Variants in NFKBIZ observed in about 807,000 individuals in gnomAD.
NFKBIZ encodes NF-kappa-B inhibitor zeta.
A neutral mutation model predicts 76.8 loss-of-function variants in NFKBIZ; 19 were observed. That is an observed-to-expected ratio of 0.25 (90% CI 0.17 to 0.36). NFKBIZ has a LOEUF of 0.36. Among genes scored for constraint, NFKBIZ ranks in the 10% least tolerant of loss-of-function variants. The pLI, the probability that NFKBIZ is intolerant of heterozygous loss-of-function variation, is 1.00. For synonymous variants in NFKBIZ, 368 were observed against 354.8 expected, an observed-to-expected ratio of 1.04 and a Z score of -0.42; for missense variants, 829 against 910.9, an observed-to-expected ratio of 0.91 and a Z score of 1.16.
chr3:101,856,078 TCTCA>T, intron 9 of NFKBIZ, 176 bp downstream of exon 9: 1 of 454,834 alleles, frequency 2.2e-6, no homozygotes, highest in East Asian at 3.8e-5. Flanking sequence ...TGAGACAGAG[TCTCA>T]CTGTGTCGCC....
rs1207589078 is a variant in NFKBIZ at position 101,853,583 on chromosome 3, A to G, written c.1057A>G (p.Ile353Val). ...LLGDQRESEN[I>V]ANPMQTSSSV... Reference sequence around the variant, plus strand: ...TGGTGATCAAAGGGAATCTGAGAATATTGCTAATCCCATGCAGACTTCCTC... The same window carrying G: ...TGGTGATCAAAGGGAATCTGAGAATGTTGCTAATCCCATGCAGACTTCCTC... The change falls in exon 5 of 12, where the codon ATT (isoleucine) becomes GTT (valine). Residue 353 changes from isoleucine (I) to valine (V), a missense_variant. This residue lies in a region of NFKBIZ where 371 missense variants were observed against 332.3 expected (regional missense o/e 1.12). Coordinates refer to ENST00000326172, the MANE Select transcript of NFKBIZ (RefSeq NM_031419.4). 2 of 1,614,126 alleles carry G rather than the reference A, an allele frequency of 1.2e-6. No individual in the cohort carries two copies. Among genetic ancestry groups the G allele is most frequent in the African/African-American group, 2.7e-5 (2 of 74,938 alleles).
In NFKBIZ at chr3:101,849,516, A is replaced by T. The variant is rs1942911665; in HGVS notation, c.-113A>T. The stretch of plus-strand genomic sequence containing the variant: ...CCTGGCAGTCCCGCGCCGCGCCCGT[A>T]CTGGCCCGCGCCGTCCGCCCGCCGA... On this transcript the variant is annotated 5_prime_UTR_variant, in exon 1 of 12. Transcript: ENST00000326172. The T allele has an allele frequency of 2.2e-6, 2 of 919,914 alleles. No homozygotes were observed. The highest frequency in any genetic ancestry group is 2.9e-6 in the Non-Finnish European group (2 of 698,032). 57.0% of individuals were successfully genotyped at this position (919,914 alleles called of 1,614,324 possible).
intron 2 of NFKBIZ, among the ~76,000 whole-genome samples, chr3:101,837,716 G>A (rs1185511728): frequency 6.6e-6 from 1 of 152,002 alleles, no homozygotes; most frequent in Non-Finnish European, 1.5e-5. Context: ...TTAACTTTTG[G>A]TCCCCCAGAC....
chr3:101,856,106 A>G, intron 9 of NFKBIZ: 2 of 356,810 alleles, frequency 5.6e-6, no homozygotes, highest in Non-Finnish European at 1.0e-5. Context: ...GCTGGAATGC[A>G]GTGGTGCGAT....
chr3:101,838,144 G>C (rs1942746200), intron 2 of NFKBIZ, among the ~76,000 whole-genome samples: 1 of 152,058 alleles, frequency 6.6e-6, no homozygotes, highest in African/African-American at 2.4e-5. Context: ...GTAGCCATAT[G>C]CACACAAATA....
rs1447481577 is a variant in NFKBIZ at position 101,853,682 on chromosome 3, G to C, written c.1156G>C (p.Val386Leu). 6.2e-7 allele frequency: 1 copy of C among 1,614,256 alleles called. No homozygotes were observed. The highest frequency in any genetic ancestry group is 2.2e-5 in the East Asian group (1 of 44,892). The change falls in exon 5 of 12, where the codon GTG becomes CTG. Residue 386 changes from valine (V) to leucine (L), a missense_variant. Physicochemically the swap from Val to Leu is conservative, Grantham distance 32. Coordinates refer to ENST00000326172, the MANE Select transcript of NFKBIZ (RefSeq NM_031419.4). ...MMPSSACEAM[V>L]GHEMASDSSN... ...GCCCAGCAGCGCCTGTGAGGCCATG[G>C]TGGGGCACGAGATGGCCTCTGACTC...
At chr3:101,854,307 G>A (rs1403017692) in intron 5 of NFKBIZ, among the ~76,000 whole-genome samples, 2 of 151,970 alleles carry the variant, frequency 1.3e-5, no homozygotes, top group African/African-American at 4.8e-5. Flanking sequence ...CTTGTATAGG[G>A]GTTTTATGAG....
At chr3:101,857,896 A>G in intron 11 of NFKBIZ, 1 of 860,544 alleles carries the variant, frequency 1.2e-6, no homozygotes, top group Non-Finnish European at 1.4e-6. Flanking sequence ...ATCAGTGAAC[A>G]TCAATAGTTA....
intron 2 of NFKBIZ, among the ~76,000 whole-genome samples, chr3:101,840,312 A>C (rs1942771988): frequency 6.6e-6 from 1 of 152,200 alleles, no homozygotes; most frequent in African/African-American, 2.4e-5. Flanking sequence ...CATCATTATA[A>C]ATAGAAACCA....
chr3:101,857,885 G>C lies in NFKBIZ; in HGVS notation c.2103+426G>C, dbSNP rs554599655. The C allele has an allele frequency of 1.9e-3, 1,696 of 881,748 alleles. 7 individuals carry two copies. Among genetic ancestry groups the C allele is most frequent in the Non-Finnish European group, 2.2e-3 (1,615 of 735,182 alleles). The allele number at this position is 881,748 out of a possible 1,614,324, so 54.6% of individuals were successfully genotyped here. ...CAATAGTCCCGGGTACAGAGTAAGA[G>C]ATCAGTGAACATCAATAGTTAGAAT... On this transcript the variant is annotated intron_variant, in intron 11 of 11. Transcript: ENST00000326172.
At chr3:101,839,671 AG>A (rs1191910827) in intron 2 of NFKBIZ, among the ~76,000 whole-genome samples, 1 of 152,186 alleles carries the variant, frequency 6.6e-6, no homozygotes, top group Non-Finnish European at 1.5e-5. Flanking sequence ...CCTCATACAA[AG>A]GAATGGTGAA....
upstream of NFKBIZ, among the ~76,000 whole-genome samples, chr3:101,845,310 T>C (rs940500423): frequency 6.7e-6 from 1 of 150,304 alleles, no homozygotes; most frequent in African/African-American, 2.4e-5. Flanking sequence ...TTTTTTTTTT[T>C]TGAGACAAGG....
In NFKBIZ at chr3:101,837,578, A is replaced by T. The variant is rs147847978; in HGVS notation, c.-12+7890A>T. Among the ~76,000 whole-genome samples the T allele has an allele frequency of 8.5e-5, 13 of 152,250 alleles. No individual in the cohort carries two copies. The East Asian group carries it at 2.3e-3, about 27-fold the overall frequency. The stretch of plus-strand genomic sequence containing the variant: ...GCACCTTTCTGATGGGGCATGCCAT[A>T]CCTGTCAGGTGGAAAACACAGGGTT... On this transcript the variant is annotated intron_variant, in intron 2 of 12. Transcript: ENST00000394054.
At chr3:101,841,406 C>A (rs528942465) in intron 2 of NFKBIZ, among the ~76,000 whole-genome samples, 2 of 152,234 alleles carry the variant, frequency 1.3e-5, no homozygotes, top group East Asian at 3.9e-4. Flanking sequence ...TACATGGATA[C>A]CATATGGACC....
chr3:101,850,004 C>A (rs1942925418), intron 1 of NFKBIZ, 87 bp downstream of exon 1: 1 of 1,203,112 alleles, frequency 8.3e-7, no homozygotes. Context: ...AGGGTGGCCC[C>A]TGCGCCCTCC....
intron 2 of NFKBIZ, among the ~76,000 whole-genome samples, chr3:101,840,924 G>A (rs1219574929): frequency 2.6e-5 from 4 of 152,222 alleles, no homozygotes; most frequent in Non-Finnish European, 4.4e-5. Context: ...ATAAAAGGAA[G>A]TTGCAGAGAG....
In NFKBIZ at chr3:101,859,795, C is replaced by T. The variant is rs1435358559; in HGVS notation, c.*424C>T. 3 of 159,748 alleles carry T rather than the reference C, an allele frequency of 1.9e-5. No homozygotes were observed. Among genetic ancestry groups the T allele is most frequent in the Admixed American group, 1.8e-4 (3 of 16,656 alleles). The allele number at this position is 159,748 out of a possible 1,614,324, so 9.9% of individuals were successfully genotyped here. A position where few individuals can be genotyped will look rare whatever the true frequency, so the allele number is the denominator to read the frequency against. On this transcript the variant is annotated 3_prime_UTR_variant, in exon 12 of 12. Coordinates refer to ENST00000326172, the MANE Select transcript of NFKBIZ (RefSeq NM_031419.4). ...ATACAGCATTGAGGCTTCATTTGGCCTTAGTCCCTGGGAGTTACTGGCGTT... is the reference window on the plus strand; with the variant it reads ...ATACAGCATTGAGGCTTCATTTGGCTTTAGTCCCTGGGAGTTACTGGCGTT...
rs150091528 is a variant in NFKBIZ at position 101,853,253 on chromosome 3, G to A, written c.727G>A (p.Val243Met). ...NTVQVSWLNP[V>M]VVPQSSPAEQ... ...AGTTCAAGTTAGCTGGCTGAACCCC[G>A]TGGTGGTCCCTCAGAGCTCCCCCGC... The change falls in exon 5 of 12, where the codon GTG becomes ATG. Residue 243 changes from valine (V) to methionine (M), a missense_variant. Transcript: ENST00000326172. The A allele has an allele frequency of 1.5e-5, 24 of 1,613,992 alleles. No individual in the cohort carries two copies. Among genetic ancestry groups the A allele is most frequent in the African/African-American group, 5.3e-5 (4 of 74,876 alleles).
Position 101,857,187 on chromosome 3 carries a change from C to CTTTTAGAAAGCTTTAAT in NFKBIZ, c.1935+4_1935+5insTTTTAGAAAGCTTTAAT. 14 of 1,608,158 alleles carry CTTTTAGAAAGCTTTAAT rather than the reference C, an allele frequency of 8.7e-6. No individual in the cohort carries two copies. The highest frequency in any genetic ancestry group is 1.1e-5 in the Non-Finnish European group (13 of 1,175,056). ...CCTGTCTTTTGTGAATGCAAAGGTA[C>CTTTTAGAAAGCTTTAAT]ACCAGAGTTGGAATGGCCTTCTGTA... On this transcript the variant is annotated splice_donor_region_variant and intron_variant, in intron 10 of 11. Coordinates refer to ENST00000326172, the MANE Select transcript of NFKBIZ (RefSeq NM_031419.4).
Sources: gnomAD v4.1 joint callset for allele counts (sites outside exome capture counted in the v4.1 genomes callset) on GRCh38, gnomAD v4.1.1 for gene constraint, gnomAD v4.1.1 regional missense constraint, MANE v1.5 for transcripts, NCBI Gene and HGNC (gene_info 2026-07-23, HGNC 2026-07-21) for gene names.